The following HELZ variants were observed in gnomAD, a reference collection of about 807,000 sequenced individuals.
HELZ encodes ATP-dependent RNA helicase with zinc finger domain.
In HELZ, 23 loss-of-function variants were observed where a neutral mutation model predicts 218.2. That is an observed-to-expected ratio of 0.11 (90% confidence interval 0.08 to 0.15). The LOEUF is 0.15. Among genes scored for constraint, HELZ ranks in the 10% least tolerant of loss-of-function variants. The pLI, the probability that HELZ is intolerant of heterozygous loss-of-function variation, is 1.00. For synonymous variants in HELZ, 814 were observed against 829.4 expected (o/e 0.98, Z 0.32); for missense variants, 1,813 against 2,353.7 (o/e 0.77, Z 4.75).
chr17:67,103,744 G>A (rs1329550926), intron 31 of HELZ, among the ~76,000 whole-genome samples: 2 of 152,088 alleles, frequency 1.3e-5, no homozygotes, highest in African/African-American at 2.4e-5. Flanking sequence ...TTAGTAAGCT[G>A]ATCCTAAACC....
chr17:67,173,465 TA>T (rs2039368684), intron 13 of HELZ, among the ~76,000 whole-genome samples: 1 of 152,148 alleles, frequency 6.6e-6, no homozygotes, highest in African/African-American at 2.4e-5. Context: ...GAACACTCAA[TA>T]GACTGAAAAA....
In HELZ at chr17:67,078,047, A is replaced by G; in HGVS notation, c.*205T>C. The G allele has an allele frequency of 2.2e-6, 1 of 457,516 alleles. No individual in the cohort carries two copies. The highest frequency in any genetic ancestry group is 3.6e-5 in the South Asian group (1 of 27,812). The allele number at this position is 457,516 out of a possible 1,614,324, so 28.3% of individuals were successfully genotyped here. ...TTTTTTATTCTACATAAAAGCTGTC[A>G]AAGTTTTGACACATCAAAAATGCAA... is the stretch of plus-strand genomic sequence containing the variant. On this transcript the variant is annotated 3_prime_UTR_variant, in exon 33 of 33. Coordinates refer to ENST00000358691, the MANE Select transcript of HELZ (RefSeq NM_014877.4).
intron 3 of HELZ, among the ~76,000 whole-genome samples, chr17:67,219,856 A>G (rs879731992): frequency 6.6e-6 from 1 of 152,226 alleles, no homozygotes. Flanking sequence ...AGTCCAAGTA[A>G]GAAATAGCAG....
intron 21 of HELZ, among the ~76,000 whole-genome samples, chr17:67,143,500 C>CA (rs2038398729): frequency 6.6e-6 from 1 of 151,866 alleles, no homozygotes; most frequent in Non-Finnish European, 1.5e-5. Context: ...CCCATAGTCC[C>CA]AGTTATTTGG....
chr17:67,087,637 C>T (rs755166761), intron 31 of HELZ, among the ~76,000 whole-genome samples: 40 of 152,186 alleles, frequency 2.6e-4, no homozygotes, highest in Non-Finnish European at 5.6e-4. Context: ...GTACTCTTGA[C>T]TGGACTCCAC....
chr17:67,158,517 C>T (rs778801134), intron 17 of HELZ, among the ~76,000 whole-genome samples: 7 of 152,082 alleles, frequency 4.6e-5, no homozygotes, highest in South Asian at 4.1e-4. Context: ...AACACCTTTC[C>T]CAAAGAGAAA....
At chr17:67,232,316 G>T (rs1367235436) in intron 3 of HELZ, among the ~76,000 whole-genome samples, 1 of 151,938 alleles carries the variant, frequency 6.6e-6, no homozygotes, top group East Asian at 1.9e-4. Flanking sequence ...GCTATGCCCG[G>T]CTAATTTTTG....
intron 9 of HELZ, among the ~76,000 whole-genome samples, chr17:67,193,750 T>C (rs2039957369): frequency 6.6e-6 from 1 of 152,072 alleles, no homozygotes; most frequent in African/African-American, 2.4e-5. Context: ...AAAAGACTAC[T>C]GAACAGTCTT....
chr17:67,235,257 A>G (rs1270888651), intron 3 of HELZ, among the ~76,000 whole-genome samples: 2 of 152,150 alleles, frequency 1.3e-5, no homozygotes, highest in Non-Finnish European at 2.9e-5. Context: ...CTGTAATCCC[A>G]GCACTTTGGG....
intron 2 of HELZ, among the ~76,000 whole-genome samples, chr17:67,241,014 C>T (rs918611321): frequency 6.6e-6 from 1 of 152,128 alleles, no homozygotes; most frequent in African/African-American, 2.4e-5. Context: ...TTATCCCAGC[C>T]ACCCTCAAAG....
At chr17:67,231,988 A>G (rs113595867) in intron 3 of HELZ, among the ~76,000 whole-genome samples, 43,026 of 143,512 alleles carry the variant, frequency 0.3, 8,598 homozygotes, top group African/African-American at 0.58. Context: ...GGGAGGGGGA[A>G]GTTGCAGTGA....
At chr17:67,086,135 C>G (rs1183604853) in intron 32 of HELZ, among the ~76,000 whole-genome samples, 2 of 152,012 alleles carry the variant, frequency 1.3e-5, no homozygotes, top group Non-Finnish European at 2.9e-5. Flanking sequence ...CCCCCTCAGC[C>G]CTGAAGGAAA....
At chr17:67,212,813 TTCTC>T (rs1275943397) in intron 5 of HELZ, among the ~76,000 whole-genome samples, 2 of 152,202 alleles carry the variant, frequency 1.3e-5, no homozygotes, top group African/African-American at 4.8e-5. Flanking sequence ...ATACAATTTT[TTCTC>T]TCTTTTGGAT....
intron 15 of HELZ, among the ~76,000 whole-genome samples, chr17:67,165,973 A>T (rs12453574): frequency 0.3 from 45,322 of 151,914 alleles, 7,850 homozygotes; most frequent in East Asian, 0.69. Flanking sequence ...TCTACAAAAA[A>T]AAATTTTTTT....
chr17:67,195,838 C>CT (rs66827855), intron 7 of HELZ, among the ~76,000 whole-genome samples: 72,466 of 101,536 alleles, frequency 0.71, 27,187 homozygotes, highest in South Asian at 0.84. Context: ...GTTTCTTTTC[C>CT]TTTTTTTTTT....
chr17:67,098,486 G>A (rs573611793), intron 31 of HELZ, among the ~76,000 whole-genome samples: 4 of 151,908 alleles, frequency 2.6e-5, no homozygotes, highest in South Asian at 2.1e-4. Context: ...TGTAATCCCA[G>A]CCCTTTGGGA....
intron 7 of HELZ, among the ~76,000 whole-genome samples, chr17:67,196,830 A>G (rs1201943885): frequency 6.6e-6 from 1 of 152,178 alleles, no homozygotes; most frequent in East Asian, 1.9e-4. Flanking sequence ...TGAAATTTTC[A>G]AAGCCATCTT....
intron 5 of HELZ, among the ~76,000 whole-genome samples, chr17:67,207,678 G>A (rs1171134017): frequency 6.6e-6 from 1 of 152,052 alleles, no homozygotes; most frequent in Non-Finnish European, 1.5e-5. Context: ...ATCACTCACT[G>A]CTTAGATATA....
intron 5 of HELZ, among the ~76,000 whole-genome samples, chr17:67,205,790 A>G (rs533696573): frequency 6.6e-6 from 1 of 152,354 alleles, no homozygotes; most frequent in Non-Finnish European, 1.5e-5. Flanking sequence ...TTCTTCCACT[A>G]CATTGCTGTA....
Sources: gnomAD v4.1 joint callset for allele counts (sites outside exome capture counted in the v4.1 genomes callset) on GRCh38, gnomAD v4.1.1 for gene constraint, MANE v1.5 for transcripts, NCBI Gene and HGNC (gene_info 2026-07-23, HGNC 2026-07-21) for gene names.